TMEM178B: variants seen among roughly 807,000 people sequenced by gnomAD.
TMEM178B encodes the protein transmembrane protein 178B.
Under a neutral mutation model 31.0 loss-of-function variants are expected in TMEM178B, and 5 were observed. The observed-to-expected ratio is 0.16, with a 90% CI of 0.08 to 0.34. TMEM178B has a LOEUF of 0.34. Among genes scored for constraint, TMEM178B ranks in the 10% least tolerant of loss-of-function variants. The probability of loss-of-function intolerance (pLI) is 1.00; values close to 1 mark genes in which losing one functional copy is unlikely to be tolerated. For synonymous variants in TMEM178B, 164 were observed against 164.0 expected, an observed-to-expected ratio of 1.00 and a Z score of 0.00; for missense variants, 275 against 400.3, an observed-to-expected ratio of 0.69 and a Z score of 2.67.
chr7:141,129,664 T>C (rs1795562590), intron 1 of TMEM178B, among the ~76,000 whole-genome samples: 1 of 152,232 alleles, frequency 6.6e-6, no homozygotes, highest in African/African-American at 2.4e-5. Context: ...AAGAGATATA[T>C]TCTGAGCCAA....
At chr7:141,362,642 G>A (rs1799935648) in intron 2 of TMEM178B, among the ~76,000 whole-genome samples, 1 of 152,146 alleles carries the variant, frequency 6.6e-6, no homozygotes, top group Admixed American at 6.5e-5. Flanking sequence ...ACTCTGTGGG[G>A]GCATTTGGTG....
Position 141,472,035 on chromosome 7 carries a change from A to AGAGGG in TMEM178B, c.*1251_*1255dup, listed in dbSNP as rs1233625641. The stretch of plus-strand genomic sequence containing the variant: ...AGCTGGGCACATAAGCCATGAGAGA[A>AGAGGG]GAGGGGGAACACACAGTTCAGGAGA... On this transcript the variant is annotated 3_prime_UTR_variant, in exon 4 of 4. Coordinates refer to ENST00000565468, the MANE Select transcript of TMEM178B (RefSeq NM_001195278.2). 3 of 152,202 alleles carry AGAGGG rather than the reference A, an allele frequency of 2.0e-5. No individual in the cohort carries two copies. The highest frequency in any genetic ancestry group is 7.2e-5 in the African/African-American group (3 of 41,404). 9.4% of individuals were successfully genotyped at this position (152,202 alleles called of 1,614,324 possible).
At chr7:141,289,746 A>G (rs1254878636) in intron 2 of TMEM178B, among the ~76,000 whole-genome samples, 2 of 151,634 alleles carry the variant, frequency 1.3e-5, no homozygotes, top group Non-Finnish European at 2.9e-5. Context: ...AAAGAAAAAG[A>G]AAGAAAAGGA....
In TMEM178B at chr7:141,180,358, G is replaced by A. The variant is rs1184998349; in HGVS notation, c.383-32233G>A. Reference sequence around the variant, plus strand: ...ACTGTAAATCCTAGCTACTTGGGAGGCTGAGGCAGGAGAATCGCTTGAACC... The same window carrying A: ...ACTGTAAATCCTAGCTACTTGGGAGACTGAGGCAGGAGAATCGCTTGAACC... On this transcript the variant is annotated intron_variant, in intron 1 of 3. Transcript: ENST00000565468. Among the ~76,000 whole-genome samples the A allele has an allele frequency of 2.0e-5, 3 of 151,618 alleles. No individual in the cohort carries two copies. In the East Asian group the frequency reaches 5.9e-4, roughly 30 times the overall value.
At chr7:141,347,023 G>GCT (rs1037846970) in intron 2 of TMEM178B, among the ~76,000 whole-genome samples, 1 of 151,904 alleles carries the variant, frequency 6.6e-6, no homozygotes, top group African/African-American at 2.4e-5. Flanking sequence ...CCTCCCCCTT[G>GCT]CTCTCTCTCT....
chr7:141,088,883 C>A (rs898346651), intron 1 of TMEM178B, among the ~76,000 whole-genome samples: 3 of 152,170 alleles, frequency 2.0e-5, no homozygotes, highest in African/African-American at 7.2e-5. Flanking sequence ...CAATTCACAT[C>A]ATTGTTCCTT....
chr7:141,264,926 G>A (rs1798072264), intron 2 of TMEM178B, among the ~76,000 whole-genome samples: 1 of 152,160 alleles, frequency 6.6e-6, no homozygotes, highest in South Asian at 2.1e-4. Context: ...GTGCTTCCAA[G>A]TGCCAAGCAC....
At chr7:141,223,497 G>A (rs886336322) in intron 2 of TMEM178B, among the ~76,000 whole-genome samples, 3 of 71,434 alleles carry the variant, frequency 4.2e-5, no homozygotes, top group Non-Finnish European at 8.4e-5. Context: ...TTTTTTTTTT[G>A]TATTTCCCTG....
chr7:141,089,043 C>T lies in TMEM178B; in HGVS notation c.382+14351C>T, dbSNP rs551762100. On this transcript the variant is annotated intron_variant, in intron 1 of 3. Transcript: ENST00000565468. ...TTATGGCCCATGCATTATATCCATG[C>T]ATTATGCAAAACCCTGTGGATAAAA... Among the ~76,000 whole-genome samples the T allele has an allele frequency of 4.6e-5, 7 of 152,196 alleles. No individual in the cohort carries two copies. In the South Asian group the frequency reaches 1.5e-3, roughly 32 times the overall value.
chr7:141,243,596 T>C (rs1797678689), intron 2 of TMEM178B, among the ~76,000 whole-genome samples: 1 of 151,946 alleles, frequency 6.6e-6, no homozygotes, highest in Admixed American at 6.6e-5. Flanking sequence ...CGTTACCAGG[T>C]CACTCTCCTC....
chr7:141,354,175 C>T (rs10488015), intron 2 of TMEM178B, among the ~76,000 whole-genome samples: 3,505 of 152,244 alleles, frequency 0.023, 125 homozygotes, highest in African/African-American at 0.079. Context: ...TGGTCTGCAA[C>T]TCGTAAAGTC....
intron 1 of TMEM178B, among the ~76,000 whole-genome samples, chr7:141,176,222 G>T (rs1265334931): frequency 6.6e-6 from 1 of 152,178 alleles, no homozygotes; most frequent in East Asian, 1.9e-4. Context: ...TAATCATGTG[G>T]TTTTTGTCAT....
chr7:141,509,301 A>G, the TMEM178B span, among the ~76,000 whole-genome samples: 1 of 152,200 alleles, frequency 6.6e-6, no homozygotes, highest in African/African-American at 2.4e-5. Context: ...AAAAAGTAGT[A>G]GGGAGGATAG....
chr7:141,184,813 A>C (rs1796582966), intron 1 of TMEM178B, among the ~76,000 whole-genome samples: 1 of 152,174 alleles, frequency 6.6e-6, no homozygotes, highest in Non-Finnish European at 1.5e-5. Flanking sequence ...CTCAGGATGA[A>C]TATTTTCCTG....
At chr7:141,300,774 C>A (rs1798710318) in intron 2 of TMEM178B, among the ~76,000 whole-genome samples, 1 of 152,172 alleles carries the variant, frequency 6.6e-6, no homozygotes. Flanking sequence ...TCTCCCAATG[C>A]CACCACCCCA....
chr7:141,118,566 G>A (rs917347243), intron 1 of TMEM178B, among the ~76,000 whole-genome samples: 1 of 152,188 alleles, frequency 6.6e-6, no homozygotes, highest in African/African-American at 2.4e-5. Flanking sequence ...GTTAAATCAC[G>A]GATCTGTGAC....
At chr7:141,161,007 A>T (rs979716723) in intron 1 of TMEM178B, among the ~76,000 whole-genome samples, 1 of 151,884 alleles carries the variant, frequency 6.6e-6, no homozygotes, top group Non-Finnish European at 1.5e-5. Flanking sequence ...ACAGGCATGC[A>T]CCACCATGCC....
chr7:141,255,108 G>T (rs1563132970), intron 2 of TMEM178B, among the ~76,000 whole-genome samples: 1 of 152,186 alleles, frequency 6.6e-6, no homozygotes, highest in East Asian at 1.9e-4. Flanking sequence ...AATATGCAAA[G>T]CTTATTTTAC....
chr7:141,196,465 G>A (rs557175382), intron 1 of TMEM178B, among the ~76,000 whole-genome samples: 10 of 152,154 alleles, frequency 6.6e-5, no homozygotes, highest in Non-Finnish European at 1.2e-4. Flanking sequence ...TATTTCCCCT[G>A]TCTTTACCAA....
Sources: gnomAD v4.1 joint callset for allele counts (sites outside exome capture counted in the v4.1 genomes callset) on GRCh38, gnomAD v4.1.1 for gene constraint, MANE v1.5 for transcripts, NCBI Gene and HGNC (gene_info 2026-07-23, HGNC 2026-07-21) for gene names.